Variants in ABCA13 observed in about 807,000 individuals in gnomAD.
ABCA13 encodes ATP-binding cassette sub-family A member 13.
ABCA13 carries 476 observed loss-of-function variants against 478.7 expected under a neutral mutation model. That is an observed-to-expected ratio of 0.99 (90% CI 0.92 to 1.07). The LOEUF (loss-of-function observed/expected upper bound fraction) is 1.07. ABCA13 is among the 50% of genes least tolerant of loss of function. The pLI, the probability that ABCA13 is intolerant of heterozygous loss-of-function variation, is 0.00. For missense variants in ABCA13, 6,060 were observed against 5,910.6 expected (o/e 1.03, Z -0.83); for synonymous variants, 2,252 against 2,158.9 (o/e 1.04, Z -1.20).
At chr7:48,500,886 A>G (rs1830681093) in intron 48 of ABCA13, among the ~76,000 whole-genome samples, 1 of 152,172 alleles carries the variant, frequency 6.6e-6, no homozygotes, top group Non-Finnish European at 1.5e-5. Context: ...CTTACACAGG[A>G]CATAGTCCTG....
At chr7:48,216,531 C>G in intron 3 of ABCA13, among the ~76,000 whole-genome samples, 1 of 152,150 alleles carries the variant, frequency 6.6e-6, no homozygotes, top group East Asian at 1.9e-4. Flanking sequence ...CTTTCCCCCC[C>G]ATTTTCTGGG....
intron 31 of ABCA13, among the ~76,000 whole-genome samples, chr7:48,353,461 C>T (rs915684202): frequency 1.3e-5 from 2 of 151,566 alleles, no homozygotes; most frequent in East Asian, 2.0e-4. Context: ...GACCGGTTTG[C>T]GTGTTCTCTT....
intron 31 of ABCA13, among the ~76,000 whole-genome samples, chr7:48,352,848 C>T (rs1328693767): frequency 6.6e-6 from 1 of 151,956 alleles, no homozygotes; most frequent in Admixed American, 6.5e-5. Flanking sequence ...ATTTTCTCTG[C>T]AGTGCAAATC....
At chr7:48,472,974 G>A (rs1442925558) in intron 45 of ABCA13, among the ~76,000 whole-genome samples, 2 of 152,180 alleles carry the variant, frequency 1.3e-5, no homozygotes, top group African/African-American at 4.8e-5. Flanking sequence ...GCTCTACATG[G>A]CTGGGGAGGC....
intron 48 of ABCA13, among the ~76,000 whole-genome samples, chr7:48,498,130 A>G (rs976614319): frequency 6.6e-6 from 1 of 152,152 alleles, no homozygotes; most frequent in African/African-American, 2.4e-5. Context: ...CCCAGTGAGA[A>G]AACCACTGTG....
intron 54 of ABCA13, among the ~76,000 whole-genome samples, chr7:48,527,652 G>A (rs773235561): frequency 2.0e-5 from 3 of 152,120 alleles, no homozygotes; most frequent in Non-Finnish European, 4.4e-5. Flanking sequence ...TAGAACGAGA[G>A]TTTCTCTTTT....
intron 47 of ABCA13, among the ~76,000 whole-genome samples, chr7:48,486,160 G>A (rs371740768): frequency 1.3e-5 from 2 of 152,202 alleles, no homozygotes; most frequent in South Asian, 2.1e-4. Flanking sequence ...TTAATTAGTG[G>A]CATTTGGGGA....
At chr7:48,293,495 T>A (rs1468037481) in intron 20 of ABCA13, among the ~76,000 whole-genome samples, 1 of 152,224 alleles carries the variant, frequency 6.6e-6, no homozygotes, top group Non-Finnish European at 1.5e-5. Flanking sequence ...ATGCTTCCAA[T>A]ATCAGTAAGA....
At chr7:48,367,349 A>G (rs1267233616) in intron 31 of ABCA13, among the ~76,000 whole-genome samples, 2 of 152,198 alleles carry the variant, frequency 1.3e-5, no homozygotes, top group African/African-American at 4.8e-5. Context: ...GGGTTGAAAT[A>G]TGAGTGTTAG....
intron 21 of ABCA13, 58 bp downstream of exon 21, chr7:48,295,921 C>A (rs1194216429): frequency 3.9e-5 from 59 of 1,508,270 alleles, no homozygotes; most frequent in Non-Finnish European, 5.1e-5. Flanking sequence ...GAGAGGATGT[C>A]TAGGACTCTT....
chr7:48,376,668 G>T (rs1226453130), intron 35 of ABCA13, 96 bp downstream of exon 35: 46 of 1,345,762 alleles, frequency 3.4e-5, no homozygotes, highest in Middle Eastern at 5.1e-4. Flanking sequence ...ATTCTTTAAG[G>T]AAGATCCAGA....
rs1796552481 is a variant in ABCA13 at position 48,278,160 on chromosome 7, A to G, written c.6966A>G (p.Gln2322=). ...ATCAATTTCTTACCCTGATGATACA[A>G]GACAGATTGATGAACATTTTTTCAA... ...KLDQFLTLMI[Q]DRLMNIFSSL... is the part of the protein sequence containing the mutation. The change falls in exon 18 of 62, where the codon CAA becomes CAG. Residue 2322 remains glutamine (Q), a synonymous_variant. Coordinates refer to ENST00000435803, the MANE Select transcript of ABCA13 (RefSeq NM_152701.5). The G allele has an allele frequency of 6.5e-7, 1 of 1,543,888 alleles. No homozygotes were observed. The highest frequency in any genetic ancestry group is 8.8e-7 in the Non-Finnish European group (1 of 1,142,128).
chr7:48,442,481 T>A (rs1182650307), intron 42 of ABCA13, among the ~76,000 whole-genome samples: 2 of 152,216 alleles, frequency 1.3e-5, no homozygotes, highest in Admixed American at 6.5e-5. Flanking sequence ...GGTCCTTTTT[T>A]AAAATAATTT....
intron 55 of ABCA13, among the ~76,000 whole-genome samples, chr7:48,564,325 T>G (rs1218909931): frequency 6.6e-6 from 1 of 152,078 alleles, no homozygotes; most frequent in East Asian, 1.9e-4. Context: ...CTGACAGATT[T>G]AAAGAATGGT....
chr7:48,367,710 C>A, intron 31 of ABCA13, 84 bp from the exon 32 acceptor site: 1 of 1,059,892 alleles, frequency 9.4e-7, no homozygotes, highest in Non-Finnish European at 1.4e-6. Flanking sequence ...CCTGAAAGAG[C>A]TTTCTAACTT....
intron 55 of ABCA13, among the ~76,000 whole-genome samples, chr7:48,538,780 A>G (rs1448081708): frequency 6.6e-6 from 1 of 152,168 alleles, no homozygotes; most frequent in Non-Finnish European, 1.5e-5. Flanking sequence ...GCAAGAGTCT[A>G]TTCCTAGACA....
intron 23 of ABCA13, among the ~76,000 whole-genome samples, chr7:48,302,370 G>T (rs1800266316): frequency 1.3e-5 from 2 of 151,998 alleles, no homozygotes; most frequent in African/African-American, 4.8e-5. Flanking sequence ...TTAGGCTTAG[G>T]GGTGCATATG....
At chr7:48,557,315 T>G (rs1288396764) in intron 55 of ABCA13, among the ~76,000 whole-genome samples, 3 of 152,148 alleles carry the variant, frequency 2.0e-5, no homozygotes, top group Admixed American at 2.0e-4. Context: ...GATAATTTCT[T>G]ATTGCTCATG....
intron 31 of ABCA13, among the ~76,000 whole-genome samples, chr7:48,359,172 T>A (rs1810425147): frequency 6.6e-6 from 1 of 151,852 alleles, no homozygotes; most frequent in Non-Finnish European, 1.5e-5. Flanking sequence ...ACCTTGAGAC[T>A]TGTGAGGGGC....
Sources: allele counts gnomAD v4.1 joint callset (sites outside exome capture counted in the v4.1 genomes callset), GRCh38; gene constraint gnomAD v4.1.1; transcripts MANE v1.5; gene names NCBI Gene and HGNC (gene_info 2026-07-23, HGNC 2026-07-21).